The following NEDD4 variants were observed in gnomAD, a reference collection of about 807,000 sequenced individuals.
NEDD4 encodes E3 ubiquitin-protein ligase NEDD4.
Under a neutral mutation model 144.9 loss-of-function variants are expected in NEDD4, and 99 were observed. That is an observed-to-expected ratio of 0.68 (90% CI 0.58 to 0.81). The LOEUF (loss-of-function observed/expected upper bound fraction) is 0.81. NEDD4 is among the 30% of genes least tolerant of loss of function. The pLI is 0.00. For synonymous variants in NEDD4, 318 were observed against 350.6 expected (o/e 0.91, Z 1.04); for missense variants, 985 against 1,065.9 (o/e 0.92, Z 1.06).
At chr15:55,842,280 C>T (rs575778794) in intron 18 of NEDD4, 117 bp from the exon 19 acceptor site, 271 of 800,870 alleles carry the variant, frequency 3.4e-4, no homozygotes, top group Non-Finnish European at 3.7e-4. Flanking sequence ...TTTTTCCTTA[C>T]GTAATATACT....
At chr15:55,862,149 T>C (rs1158171433) in intron 9 of NEDD4, among the ~76,000 whole-genome samples, 1 of 152,142 alleles carries the variant, frequency 6.6e-6, no homozygotes, top group Non-Finnish European at 1.5e-5. Flanking sequence ...TTGGAAGGAT[T>C]TGAGAACAGA....
chr15:55,846,286 A>C (rs1213090317), intron 18 of NEDD4, among the ~76,000 whole-genome samples: 1 of 152,202 alleles, frequency 6.6e-6, no homozygotes, highest in African/African-American at 2.4e-5. Context: ...AGTATAACCC[A>C]ATATGGCCAC....
At chr15:55,983,052 G>T (rs1394670681) in intron 1 of NEDD4, among the ~76,000 whole-genome samples, 1 of 152,018 alleles carries the variant, frequency 6.6e-6, no homozygotes, top group African/African-American at 2.4e-5. Context: ...AACCCAGAAG[G>T]CAGAGGTTGC....
intron 4 of NEDD4, among the ~76,000 whole-genome samples, chr15:55,930,590 A>T (rs1296097318): frequency 6.6e-6 from 1 of 152,236 alleles, no homozygotes; most frequent in Non-Finnish European, 1.5e-5. Context: ...AACAGTATTC[A>T]TTAGACTGAA....
At chr15:55,973,066 G>A (rs1428084035) in intron 1 of NEDD4, among the ~76,000 whole-genome samples, 1 of 151,848 alleles carries the variant, frequency 6.6e-6, no homozygotes, top group Non-Finnish European at 1.5e-5. Context: ...TTTCGGCACT[G>A]GATAGATCAT....
chr15:55,916,382 G>T, intron 5 of NEDD4: 1 of 1,614,010 alleles, frequency 6.2e-7, no homozygotes, highest in Non-Finnish European at 8.5e-7. Flanking sequence ...AGTTACTAAG[G>T]CTACCACTAC....
At chr15:55,992,891 G>C (rs1193555977) in intron 1 of NEDD4, among the ~76,000 whole-genome samples, 1 of 152,124 alleles carries the variant, frequency 6.6e-6, no homozygotes. Flanking sequence ...AACGACGACC[G>C]GTGAAATAAA....
chr15:55,917,294 A>G (rs1306251957), intron 5 of NEDD4, among the ~76,000 whole-genome samples: 5 of 152,192 alleles, frequency 3.3e-5, no homozygotes, highest in Admixed American at 3.3e-4. Flanking sequence ...CACAGTGCCT[A>G]TACTTTCTCC....
rs2032741839 is a variant in NEDD4 at position 55,827,355 on chromosome 15, T to C, written c.*2542A>G. ...TATCTGGGATAAGGGGCTGTGTTGC[T>C]TGATAGATGTTTCTTCCAGACCACG... On this transcript the variant is annotated 3_prime_UTR_variant, in exon 29 of 29. Transcript: ENST00000435532. 6.6e-6 allele frequency: 1 copy of C among 152,208 alleles called. No homozygotes were observed. The highest frequency in any genetic ancestry group is 2.4e-5 in the African/African-American group (1 of 41,440). 9.4% of individuals were successfully genotyped at this position (152,208 alleles called of 1,614,324 possible). A position where few individuals can be genotyped will look rare whatever the true frequency, so the allele number is the denominator to read the frequency against.
At chr15:55,970,375 A>G (rs1393077940) in intron 1 of NEDD4, among the ~76,000 whole-genome samples, 4 of 152,172 alleles carry the variant, frequency 2.6e-5, no homozygotes, top group African/African-American at 9.7e-5. Flanking sequence ...GTCCTGGCAA[A>G]TTCATCTCCT....
At chr15:55,881,228 A>G (rs1595790463) in intron 5 of NEDD4, among the ~76,000 whole-genome samples, 1 of 145,996 alleles carries the variant, frequency 6.8e-6, no homozygotes, top group Admixed American at 7.0e-5. Context: ...TGCAACCTCT[A>G]CCTCCCGGGT....
intron 2 of NEDD4, among the ~76,000 whole-genome samples, chr15:55,959,425 C>T (rs1480208312): frequency 1.3e-5 from 2 of 152,154 alleles, no homozygotes; most frequent in Non-Finnish European, 2.9e-5. Context: ...CACACATGGT[C>T]TATCTTGATT....
chr15:55,829,679 T>C lies in NEDD4; in HGVS notation c.*218A>G, dbSNP rs1197015330. 1 of 438,736 alleles carries C rather than the reference T, an allele frequency of 2.3e-6. No homozygotes were observed. The highest frequency in any genetic ancestry group is 2.0e-5 in the African/African-American group (1 of 49,884). 27.2% of individuals were successfully genotyped at this position (438,736 alleles called of 1,614,324 possible). On this transcript the variant is annotated 3_prime_UTR_variant, in exon 29 of 29. Coordinates refer to ENST00000435532, the MANE Select transcript of NEDD4 (RefSeq NM_006154.4). Reference sequence around the variant, plus strand: ...CTGGCTTTAGGCAGGCACCTAACTCTAAAGACAGCATGAAACAACTGTGTA... The same window carrying C: ...CTGGCTTTAGGCAGGCACCTAACTCCAAAGACAGCATGAAACAACTGTGTA...
intron 5 of NEDD4, among the ~76,000 whole-genome samples, chr15:55,908,601 C>T (rs1457818049): frequency 6.6e-6 from 1 of 152,130 alleles, no homozygotes; most frequent in African/African-American, 2.4e-5. Context: ...AATCTCAGGC[C>T]CCCATTCTGA....
chr15:55,980,354 T>A (rs1327978207), intron 1 of NEDD4, among the ~76,000 whole-genome samples: 1 of 151,914 alleles, frequency 6.6e-6, no homozygotes, highest in Non-Finnish European at 1.5e-5. Context: ...AGAAGCCTCA[T>A]CCCCCAACTT....
At chr15:55,936,026 A>G (rs2036883382) in intron 4 of NEDD4, among the ~76,000 whole-genome samples, 1 of 151,924 alleles carries the variant, frequency 6.6e-6, no homozygotes, top group Non-Finnish European at 1.5e-5. Flanking sequence ...ACCTTCTTCT[A>G]TGCTTCTTAT....
chr15:55,835,469 C>T (rs977414531), intron 24 of NEDD4, among the ~76,000 whole-genome samples: 2 of 146,000 alleles, frequency 1.4e-5, no homozygotes, highest in Non-Finnish European at 3.0e-5. Context: ...ATTTATAAAC[C>T]ATCCATTCAA....
chr15:55,928,275 G>T lies in NEDD4; in HGVS notation c.238-3576C>A, dbSNP rs2036713393. ...GATCCACCCACCTCGGCCTCCCAAA[G>T]TGCTGGGATTACAGGCGTGAGCCAT... On this transcript the variant is annotated intron_variant, in intron 4 of 28. Coordinates refer to ENST00000435532, the MANE Select transcript of NEDD4 (RefSeq NM_006154.4). Among the ~76,000 whole-genome samples, 3 of 152,196 alleles carry T rather than the reference G, an allele frequency of 2.0e-5. No individual in the cohort carries two copies. The South Asian group carries it at 6.2e-4, about 31-fold the overall frequency.
rs769112300 is a variant in NEDD4 at position 55,838,444 on chromosome 15, G to A, written c.2127+65C>T. On this transcript the variant is annotated intron_variant, in intron 22 of 28. Transcript: ENST00000435532. ...GAGCCTAGGAATGTATTAAGTGTAC[G>A]TATTAACATCTAAACATTTGTCTCA... 451 of 1,078,384 alleles carry A rather than the reference G, an allele frequency of 4.2e-4. 2 individuals are homozygous for A. The highest frequency in any genetic ancestry group is 9.9e-4 in the Middle Eastern group (5 of 5,034). 66.8% of individuals were successfully genotyped at this position (1,078,384 alleles called of 1,614,324 possible).
Sources: gnomAD v4.1 joint callset for allele counts (sites outside exome capture counted in the v4.1 genomes callset) on GRCh38, gnomAD v4.1.1 for gene constraint, MANE v1.5 for transcripts, NCBI Gene and HGNC (gene_info 2026-07-23, HGNC 2026-07-21) for gene names.